Variants in LRP1 observed in about 807,000 individuals in gnomAD.
LRP1 encodes prolow-density lipoprotein receptor-related protein 1.
In LRP1, 51 loss-of-function variants were observed where a neutral mutation model predicts 541.5. The ratio of observed to expected loss-of-function variants is 0.09; its 90% confidence interval spans 0.08 to 0.12. The LOEUF (loss-of-function observed/expected upper bound fraction) is 0.12, where lower values mean the gene tolerates loss of function less well. Among genes scored for constraint, LRP1 ranks in the 10% least tolerant of loss-of-function variants. The probability of loss-of-function intolerance (pLI) is 1.00; values close to 1 mark genes in which losing one functional copy is unlikely to be tolerated. For synonymous variants in LRP1, 2,219 were observed against 2,470.8 expected, an observed-to-expected ratio of 0.90 and a Z score of 3.02; for missense variants, 3,878 against 6,376.2, an observed-to-expected ratio of 0.61 and a Z score of 13.34.
intron 70 of LRP1, 193 bp downstream of exon 70, chr12:57,203,714 A>G (rs1381134257): frequency 7.0e-6 from 5 of 711,792 alleles, no homozygotes; most frequent in Middle Eastern, 8.3e-4. Flanking sequence ...GGGCCCCTGA[A>G]TACACATTTT....
In LRP1 at chr12:57,156,711, G is replaced by T; in HGVS notation, c.1418-66G>T. The T allele has an allele frequency of 6.6e-7, 1 of 1,511,672 alleles. No individual in the cohort carries two copies. The allele number at this position is 1,511,672 out of a possible 1,614,324, so 93.6% of individuals were successfully genotyped here. ...CAGCAGGGGGTGTGGTCAGATTCAG[G>T]AAGCCTTCTCAAGGCCTGGCACAGG... On this transcript the variant is annotated intron_variant, in intron 9 of 88. Transcript: ENST00000243077. This position sits in a 1 kb window ranked among gnomAD's most constrained non-coding sequence, Gnocchi z 5.2.
rs1372244645 is a variant in LRP1, at chr12:57,207,523, T to C, written c.11860-515T>C. 5.2e-4 allele frequency among the ~76,000 whole-genome samples: 45 copies of C among 87,102 alleles called. No homozygotes were observed. In the East Asian group the frequency reaches 0.014, roughly 27 times the overall value. The allele number at this position is 87,102 out of a possible 152,430, so 57.1% of individuals were successfully genotyped here. On this transcript the variant is annotated intron_variant, in intron 76 of 88. Transcript: ENST00000243077. ...TCCAGCCTGGATGATAGAGCGAGAC[T>C]CCGTCTCAAAAAAAAAAAAAAGAAA... is the stretch of plus-strand genomic sequence containing the variant.
At chr12:57,168,794 C>T (rs1432917536) in intron 19 of LRP1, among the ~76,000 whole-genome samples, 3 of 152,202 alleles carry the variant, frequency 2.0e-5, no homozygotes, top group African/African-American at 7.2e-5. Context: ...TCTCTCCCTC[C>T]AAAACTAGAG....
intron 42 of LRP1, among the ~76,000 whole-genome samples, chr12:57,188,381 A>G (rs912038403): frequency 9.2e-5 from 14 of 152,240 alleles, no homozygotes; most frequent in African/African-American, 2.9e-4. Context: ...AAGCAGCTGT[A>G]TAGATACGTG....
chr12:57,179,473 G>A lies in LRP1; in HGVS notation c.4883G>A (p.Arg1628His), dbSNP rs773350053. ...CTAGACTACGATGCCCGCGAGCAGC[G>A]TGTGTACTGGTCTGACGTGCGGACA... Reference protein sequence around the residue: ...TVLDYDAREQRVYWSDVRTQA... With the variant: ...TVLDYDAREQHVYWSDVRTQA... Residue 1628 changes from arginine (R) to histidine (H), a missense_variant, in exon 29 of 89, where the codon CGT becomes CAT. Around this residue, in one of 13 missense-constraint regions of LRP1, gnomAD observed 394 missense variants for 635.9 expected, o/e 0.62. Coordinates refer to ENST00000243077, the MANE Select transcript of LRP1 (RefSeq NM_002332.3). This position sits in a 1 kb window ranked among gnomAD's most constrained non-coding sequence, Gnocchi z 6.8. 15 of 1,614,124 alleles carry A rather than the reference G, an allele frequency of 9.3e-6. No individual in the cohort carries two copies. Among genetic ancestry groups the A allele is most frequent in the African/African-American group, 2.7e-5 (2 of 74,946 alleles).
rs201112941 is a variant in LRP1 at position 57,175,671 on chromosome 12, C to T, written c.3759C>T (p.Val1253=). The change falls in exon 23 of 89, where the codon GTC becomes GTT. Residue 1253 remains valine, a synonymous_variant. Coordinates refer to ENST00000243077, the MANE Select transcript of LRP1 (RefSeq NM_002332.3). ...AGTGCTCCTGCTACGAGGGCTGGGT[C>T]CTGGAACCTGACGGCGAGAGCTGCC... ...SVKCSCYEGW[V]LEPDGESCRS... The T allele has an allele frequency of 3.8e-5, 61 of 1,586,144 alleles. No homozygotes were observed. Among genetic ancestry groups the T allele is most frequent in the Non-Finnish European group, 5.0e-5 (58 of 1,164,224 alleles).
chr12:57,178,306 C>T lies in LRP1; in HGVS notation c.4362-53C>T. The T allele has an allele frequency of 3.2e-6, 5 of 1,578,810 alleles. No homozygotes were observed. Among genetic ancestry groups the T allele is most frequent in the Non-Finnish European group, 4.3e-6 (5 of 1,160,372 alleles). Reference sequence around the variant, plus strand: ...AGAGGGTGGGCACCTGGGCAGAGCTCTGAGGGCTGAGATCCCAGCTGGCAT... The same window carrying T: ...AGAGGGTGGGCACCTGGGCAGAGCTTTGAGGGCTGAGATCCCAGCTGGCAT... On this transcript the variant is annotated intron_variant, in intron 26 of 88. Transcript: ENST00000243077. This position sits in a 1 kb window ranked among gnomAD's most constrained non-coding sequence, Gnocchi z 5.8.
chr12:57,203,644 C>T (rs2036706194), intron 70 of LRP1, 123 bp downstream of exon 70: 1 of 1,264,982 alleles, frequency 7.9e-7, no homozygotes, highest in Non-Finnish European at 1.1e-6. Flanking sequence ...ATTTATTAAG[C>T]ATTTACCATG....
chr12:57,149,248 G>C (rs1467865495), intron 6 of LRP1: 1 of 436,980 alleles, frequency 2.3e-6, no homozygotes, highest in Non-Finnish European at 4.0e-6. Flanking sequence ...TTTGGGGAGG[G>C]GTGGCTCTAG....
chr12:57,185,119 A>G lies in LRP1; in HGVS notation c.6377A>G (p.Asp2126Gly), dbSNP rs754913793. 1 of 1,614,096 alleles carries G rather than the reference A, an allele frequency of 6.2e-7. No homozygotes were observed. The highest frequency in any genetic ancestry group is 1.7e-5 in the Admixed American group (1 of 60,010). The change falls in exon 40 of 89, where the codon GAC becomes GGC. Residue 2126 changes from aspartate to glycine, a missense_variant. Around this residue, in one of 13 missense-constraint regions of LRP1, gnomAD observed 1,100 missense variants for 1,827.4 expected, o/e 0.60. Transcript: ENST00000243077. The surrounding 1 kb of genome is among the most constrained non-coding windows in gnomAD (Gnocchi z 4.9). ...ANGSIKRGSK[D>G]NATDSVPLRT... ...GGCTCTATCAAGCGCGGGAGCAAAG[A>G]CAATGCCACAGACTCCGTGCCCCTG...
chr12:57,209,615 A>G, intron 79 of LRP1, 77 bp from the exon 80 acceptor site: 1 of 1,257,084 alleles, frequency 8.0e-7, no homozygotes, highest in Non-Finnish European at 1.2e-6. Context: ...TGGGAACCAC[A>G]GGTGCCAGTG....
chr12:57,160,776 G>T, intron 12 of LRP1, 117 bp from the exon 13 acceptor site: 1 of 689,232 alleles, frequency 1.5e-6, no homozygotes, highest in Non-Finnish European at 2.5e-6. Flanking sequence ...GTCCAGTGAT[G>T]AGCAGGACAG....
In LRP1 at chr12:57,199,938, C is replaced by G; in HGVS notation, c.9927C>G (p.Pro3309=). ...GGCSNLCLLS[P]GGGHKCACPT... is the part of the protein sequence containing the mutation. ...GCAGCAACCTGTGCCTGCTGTCCCC[C>G]GGGGGAGGGCACAAATGTGCCTGCC... Residue 3309 remains proline (P), a synonymous_variant, in exon 62 of 89, where the codon CCC becomes CCG. Transcript: ENST00000243077. The G allele has an allele frequency of 4.4e-6, 7 of 1,594,816 alleles. No individual in the cohort carries two copies. The highest frequency in any genetic ancestry group is 6.0e-6 in the Non-Finnish European group (7 of 1,173,162).
At chr12:57,195,568 T>C in intron 52 of LRP1, 90 bp from the exon 53 acceptor site, 3 of 1,601,396 alleles carry the variant, frequency 1.9e-6, no homozygotes, top group Non-Finnish European at 1.7e-6. Flanking sequence ...CCCTGCCCAC[T>C]CTACCAGGAG....
rs1183282424 is a variant in LRP1 at position 57,198,224 on chromosome 12, C to T, written c.9351C>T (p.Tyr3117=). The T allele has an allele frequency of 6.2e-7, 1 of 1,613,580 alleles. No individual in the cohort carries two copies. Among genetic ancestry groups the T allele is most frequent in the Non-Finnish European group, 8.5e-7 (1 of 1,179,884 alleles). ...LAVDWVGGNL[Y]WCDKGRDTIE... is the part of the protein sequence containing the mutation. ...TGGACTGGGTGGGTGGCAACCTGTA[C>T]TGGTGCGACAAAGGCCGGGACACCA... Residue 3117 remains tyrosine (Y), a synonymous_variant, in exon 59 of 89, where the codon TAC becomes TAT. Coordinates refer to ENST00000243077, the MANE Select transcript of LRP1 (RefSeq NM_002332.3).
intron 79 of LRP1, among the ~76,000 whole-genome samples, chr12:57,209,416 G>A (rs754041564): frequency 1.4e-4 from 22 of 152,370 alleles, no homozygotes; most frequent in Non-Finnish European, 2.6e-4. Flanking sequence ...TCCATTCATT[G>A]GTTGGGTTGC....
chr12:57,186,512 A>G (rs35204672), intron 41 of LRP1, among the ~76,000 whole-genome samples: 13 of 152,360 alleles, frequency 8.5e-5, no homozygotes, highest in African/African-American at 2.6e-4. Context: ...CAGCTGGTCC[A>G]TAAAGACCTG....
chr12:57,129,243 C>T, intron 1 of LRP1: 1 of 579,980 alleles, frequency 1.7e-6, no homozygotes, highest in Non-Finnish European at 3.1e-6. Context: ...GGCCCCCCAG[C>T]ACAAACAAAG....
rs554768003 is a variant in LRP1 at position 57,204,310 on chromosome 12, T to C, written c.10952-100T>C. On this transcript the variant is annotated intron_variant, in intron 70 of 88. Coordinates refer to ENST00000243077, the MANE Select transcript of LRP1 (RefSeq NM_002332.3). The surrounding 1 kb of genome is among the most constrained non-coding windows in gnomAD (Gnocchi z 5.3). ...GGTTCCAATTTGGCTGTGCCACTGCTTGCCTGGTGACCCCTCTGAGCCTGG... is the reference window on the plus strand; with the variant it reads ...GGTTCCAATTTGGCTGTGCCACTGCCTGCCTGGTGACCCCTCTGAGCCTGG... The C allele has an allele frequency of 3.0e-6, 4 of 1,353,302 alleles. No individual in the cohort carries two copies. In the East Asian group the frequency reaches 9.7e-5, roughly 33 times the overall value. The allele number at this position is 1,353,302 out of a possible 1,614,324, so 83.8% of individuals were successfully genotyped here.
Sources: gnomAD v4.1 joint callset for allele counts (sites outside exome capture counted in the v4.1 genomes callset) on GRCh38, gnomAD v4.1.1 for gene constraint, gnomAD v4.1.1 regional missense constraint, Gnocchi (gnomAD v3.1) non-coding constraint, MANE v1.5 for transcripts, NCBI Gene and HGNC (gene_info 2026-07-23, HGNC 2026-07-21) for gene names.